MAPKBP1: variants seen among roughly 807,000 people sequenced by gnomAD.
The protein encoded by MAPKBP1 is mitogen-activated protein kinase-binding protein 1.
Under a neutral mutation model 170.5 loss-of-function variants are expected in MAPKBP1, and 71 were observed. That is an observed-to-expected ratio of 0.42 (90% confidence interval 0.34 to 0.51). MAPKBP1 has a LOEUF of 0.51. Among genes scored for constraint, MAPKBP1 ranks in the 20% least tolerant of loss-of-function variants. MAPKBP1 has a pLI of 0.06. For synonymous variants in MAPKBP1, 719 were observed against 757.9 expected (o/e 0.95, Z 0.84); for missense variants, 1,598 against 1,933.0 (o/e 0.83, Z 3.25).
Position 41,774,522 on chromosome 15 carries a change from A to T in MAPKBP1, c.-198A>T. ...CACCATAGCTCCTGCTGCTGCCTCT[A>T]CCGCTGCGGCTACCGCGGCGGAGCT... is the stretch of plus-strand genomic sequence containing the variant. On this transcript the variant is annotated 5_prime_UTR_variant, in exon 1 of 31. Transcript: ENST00000457542. 1 of 398,422 alleles carries T rather than the reference A, an allele frequency of 2.5e-6. No individual in the cohort carries two copies. Among genetic ancestry groups the T allele is most frequent in the Non-Finnish European group, 4.4e-6 (1 of 225,962 alleles). The allele number at this position is 398,422 out of a possible 1,614,324, so 24.7% of individuals were successfully genotyped here.
intron 2 of MAPKBP1, among the ~76,000 whole-genome samples, chr15:41,786,777 A>AAAAAAATATATATATATATATATATAT: frequency 1.2e-4 from 4 of 32,446 alleles, no homozygotes; most frequent in African/African-American, 5.2e-4. Flanking sequence ...AAAAAAAAAA[A>AAAAAAATATATATATATATATATATAT]ATATATATAT....
At chr15:41,811,544 T>C (rs1433782901) in intron 5 of MAPKBP1, 3 of 646,556 alleles carry the variant, frequency 4.6e-6, no homozygotes, top group Middle Eastern at 2.4e-4. Flanking sequence ...GAAGGAAGCG[T>C]GCTTTGGAAA....
intron 1 of MAPKBP1, 140 bp from the exon 2 acceptor site, chr15:41,775,027 C>T (rs1353905788): frequency 2.2e-6 from 1 of 447,486 alleles, no homozygotes; most frequent in African/African-American, 2.0e-5. Flanking sequence ...GCCTTTCCTT[C>T]CGACGTTGTA....
chr15:41,817,247 CT>C lies in MAPKBP1; in HGVS notation c.1712-140del. 1 of 1,196,136 alleles carries C rather than the reference CT, an allele frequency of 8.4e-7. No individual in the cohort carries two copies. The highest frequency in any genetic ancestry group is 1.2e-6 in the Non-Finnish European group (1 of 834,140). 74.1% of individuals were successfully genotyped at this position (1,196,136 alleles called of 1,614,324 possible). A position where few individuals can be genotyped will look rare whatever the true frequency, so the allele number is the denominator to read the frequency against. On this transcript the variant is annotated intron_variant, in intron 14 of 30. Transcript: ENST00000457542. The surrounding 1 kb of genome is among the most constrained non-coding windows in gnomAD (Gnocchi z 4.2). ...ACTGAGGATAAGGAGACAGGAAAACCTGGGTTTCCAGGTTTAATTTAGTTGG... is the reference window on the plus strand; with the variant it reads ...ACTGAGGATAAGGAGACAGGAAAACCGGGTTTCCAGGTTTAATTTAGTTGG...
rs185797072 is a variant in MAPKBP1 at position 41,803,068 on chromosome 15, C to T, written c.206+3154C>T. Among the ~76,000 whole-genome samples the T allele has an allele frequency of 3.3e-4, 50 of 152,190 alleles. No individual in the cohort carries two copies. In the East Asian group the frequency reaches 9.5e-3, roughly 29 times the overall value. On this transcript the variant is annotated intron_variant, in intron 3 of 30. Coordinates refer to ENST00000457542, the MANE Select transcript of MAPKBP1 (RefSeq NM_014994.3). ...AGCACTTTATATGAATTATTTAATA[C>T]TCTGAGCAACTATTATCACCCTCAT...
Position 41,810,949 on chromosome 15 carries a change from A to G in MAPKBP1, c.269+4A>G, listed in dbSNP as rs753736254. ...ACCACATCCTCAACAGTTCCAGGTA[A>G]ATGGGCTGGGGTCCTCAGGATACCT... On this transcript the variant is annotated splice_donor_region_variant and intron_variant, in intron 4 of 30. Coordinates refer to ENST00000457542, the MANE Select transcript of MAPKBP1 (RefSeq NM_014994.3). 2 of 1,614,030 alleles carry G rather than the reference A, an allele frequency of 1.2e-6. No homozygotes were observed. The highest frequency in any genetic ancestry group is 2.7e-5 in the African/African-American group (2 of 74,904).
At chr15:41,801,906 G>A (rs1408981670) in intron 3 of MAPKBP1, among the ~76,000 whole-genome samples, 1 of 152,168 alleles carries the variant, frequency 6.6e-6, no homozygotes, top group African/African-American at 2.4e-5. Flanking sequence ...GTACAGTCAT[G>A]TGTCACTTAA....
chr15:41,826,254 G>GC lies in MAPKBP1; in HGVS notation c.*821dup, dbSNP rs2065091126. The GC allele has an allele frequency of 2.0e-5, 3 of 152,762 alleles. No homozygotes were observed. In the South Asian group the frequency reaches 6.2e-4, roughly 32 times the overall value. 9.5% of individuals were successfully genotyped at this position (152,762 alleles called of 1,614,324 possible). A position where few individuals can be genotyped will look rare whatever the true frequency, so the allele number is the denominator to read the frequency against. On this transcript the variant is annotated 3_prime_UTR_variant, in exon 31 of 31. Transcript: ENST00000457542. ...CCCTGGACCCCAGCCGGCTGCTGGA[G>GC]CCCAGAGGCCACCTTCTCCCTGCAT...
At position 41,818,258 on chromosome 15, in the gene MAPKBP1, T is replaced by C; in HGVS notation, c.2045T>C (p.Phe682Ser). ...TSCSDKNLSI[F>S]DFSSGECVAT... Reference sequence around the variant, plus strand: ...TGTTCTGACAAGAATCTCTCCATTTTTGACTTCTCCTCAGGCGAGTGCGTG... The same window carrying C: ...TGTTCTGACAAGAATCTCTCCATTTCTGACTTCTCCTCAGGCGAGTGCGTG... Residue 682 changes from phenylalanine (F) to serine (S), a missense_variant, in exon 18 of 31, where the codon TTT becomes TCT. Phe to Ser is a radical substitution (Grantham distance 155). This residue lies in a region of MAPKBP1 where 63 missense variants were observed against 115.2 expected (regional missense o/e 0.55). Coordinates refer to ENST00000457542, the MANE Select transcript of MAPKBP1 (RefSeq NM_014994.3). This position sits in a 1 kb window ranked among gnomAD's most constrained non-coding sequence, Gnocchi z 5.2. The C allele has an allele frequency of 6.2e-7, 1 of 1,614,128 alleles. No individual in the cohort carries two copies. The highest frequency in any genetic ancestry group is 8.5e-7 in the Non-Finnish European group (1 of 1,180,028).
chr15:41,796,609 C>T (rs568029607), intron 2 of MAPKBP1, among the ~76,000 whole-genome samples: 4 of 152,270 alleles, frequency 2.6e-5, no homozygotes, highest in South Asian at 4.1e-4. Flanking sequence ...TGCTTTTCCC[C>T]CCCCTTGGAT....
intron 3 of MAPKBP1, among the ~76,000 whole-genome samples, chr15:41,809,502 A>AC (rs2064766457): frequency 6.6e-6 from 1 of 152,160 alleles, no homozygotes; most frequent in African/African-American, 2.4e-5. Flanking sequence ...TGGCGTTCAG[A>AC]TATGGGGGCT....
At position 41,826,425 on chromosome 15, in the gene MAPKBP1, G is replaced by C. The variant is rs970786010; in HGVS notation, c.*989G>C. 6.6e-6 allele frequency: 1 copy of C among 152,276 alleles called. No homozygotes were observed. The highest frequency in any genetic ancestry group is 6.5e-5 in the Admixed American group (1 of 15,286). 9.4% of individuals were successfully genotyped at this position (152,276 alleles called of 1,614,324 possible). On this transcript the variant is annotated 3_prime_UTR_variant, in exon 31 of 31. Transcript: ENST00000457542. Reference sequence around the variant, plus strand: ...ACACACACACCTACCTGCACAGCACGCTGTTGAGTGTTGGTTGCTAGAGTA... The same window carrying C: ...ACACACACACCTACCTGCACAGCACCCTGTTGAGTGTTGGTTGCTAGAGTA...
At chr15:41,799,955 T>A (rs750568758) in intron 3 of MAPKBP1, 41 bp downstream of exon 3, 1 of 1,548,402 alleles carries the variant, frequency 6.5e-7, no homozygotes, top group East Asian at 2.2e-5. Context: ...GCATGGGAAT[T>A]TATAGCCACG....
At chr15:41,797,935 A>C (rs1264212050) in intron 2 of MAPKBP1, among the ~76,000 whole-genome samples, 2 of 151,984 alleles carry the variant, frequency 1.3e-5, no homozygotes, top group Non-Finnish European at 2.9e-5. Flanking sequence ...TTCAAGCTAA[A>C]ACGATCTTCA....
Position 41,825,515 on chromosome 15 carries a change from C to T in MAPKBP1, c.*79C>T, listed in dbSNP as rs894339268. ...CCCCTCTGCCCCTCACCAAAACCTG[C>T]GGGGCTGCTTGGAGTGGAAAGCAGG... On this transcript the variant is annotated 3_prime_UTR_variant, in exon 31 of 31. Transcript: ENST00000457542. 53 of 1,317,680 alleles carry T rather than the reference C, an allele frequency of 4.0e-5. No individual in the cohort carries two copies. The highest frequency in any genetic ancestry group is 5.0e-5 in the Non-Finnish European group (48 of 965,066). 81.6% of individuals were successfully genotyped at this position (1,317,680 alleles called of 1,614,324 possible). A position where few individuals can be genotyped will look rare whatever the true frequency, so the allele number is the denominator to read the frequency against.
At chr15:41,814,977 TCA>T (rs1489969764) in intron 10 of MAPKBP1, among the ~76,000 whole-genome samples, 1 of 152,200 alleles carries the variant, frequency 6.6e-6, no homozygotes, top group Non-Finnish European at 1.5e-5. Context: ...TGACCAAGCC[TCA>T]GTTTCCTCAC....
Position 41,822,082 on chromosome 15 carries a change from C to G in MAPKBP1, c.3003C>G (p.Cys1001Trp). 6.2e-7 allele frequency: 1 copy of G among 1,608,200 alleles called. No individual in the cohort carries two copies. Among genetic ancestry groups the G allele is most frequent in the East Asian group, 2.2e-5 (1 of 44,610 alleles). The change falls in exon 25 of 31, where the codon TGC becomes TGG. Residue 1001 changes from cysteine to tryptophan, a missense_variant. Physicochemically the swap from Cys to Trp is radical, Grantham distance 215. Around this residue, in one of 6 missense-constraint regions of MAPKBP1, gnomAD observed 942 missense variants for 953.2 expected, o/e 0.99. Coordinates refer to ENST00000457542, the MANE Select transcript of MAPKBP1 (RefSeq NM_014994.3). ...SACSVDYSSS[C>W]LSSPEHPTED... Reference sequence around the variant, plus strand: ...GCTCTGTGGATTACAGCAGCAGCTGCCTTTCCAGCCCGGAGCACCCCACTG... The same window carrying G: ...GCTCTGTGGATTACAGCAGCAGCTGGCTTTCCAGCCCGGAGCACCCCACTG...
In MAPKBP1 at chr15:41,813,700, A is replaced by G. The variant is rs1439188759; in HGVS notation, c.899A>G (p.Asn300Ser). The G allele has an allele frequency of 6.2e-7, 1 of 1,613,574 alleles. No individual in the cohort carries two copies. Among genetic ancestry groups the G allele is most frequent in the Admixed American group, 1.7e-5 (1 of 59,918 alleles). The change falls in exon 9 of 31, where the codon AAC becomes AGC. Residue 300 changes from asparagine (N) to serine (S), a missense_variant. This residue lies in a region of MAPKBP1 where 430 missense variants were observed against 617.2 expected (regional missense o/e 0.70). Coordinates refer to ENST00000457542, the MANE Select transcript of MAPKBP1 (RefSeq NM_014994.3). ...GCTGATGGCACCGTGCGCCTTTTCA[A>G]CCCCTCTAACCTGCACTTCCTTAGC... ...GCADGTVRLF[N>S]PSNLHFLSTL...
chr15:41,806,457 G>C (rs565217565), intron 3 of MAPKBP1, among the ~76,000 whole-genome samples: 1 of 152,330 alleles, frequency 6.6e-6, no homozygotes, highest in South Asian at 2.1e-4. Flanking sequence ...CATCCCATCT[G>C]GGGGATGGAG....
Sources: gnomAD v4.1 joint callset for allele counts (sites outside exome capture counted in the v4.1 genomes callset) on GRCh38, gnomAD v4.1.1 for gene constraint, gnomAD v4.1.1 regional missense constraint, Gnocchi (gnomAD v3.1) non-coding constraint, MANE v1.5 for transcripts, NCBI Gene and HGNC (gene_info 2026-07-23, HGNC 2026-07-21) for gene names.